The following RAB27B variants were observed in gnomAD, a reference collection of about 807,000 sequenced individuals.
The protein encoded by RAB27B is ras-related protein Rab-27B.
In RAB27B, 15 loss-of-function variants were observed where a neutral mutation model predicts 24.6. The observed-to-expected ratio is 0.61, with a 90% CI of 0.41 to 0.94. The LOEUF (loss-of-function observed/expected upper bound fraction) is 0.94. RAB27B is among the 40% of genes least tolerant of loss of function. The probability of loss-of-function intolerance (pLI) is 0.00; values close to 1 mark genes in which losing one functional copy is unlikely to be tolerated. For synonymous variants in RAB27B, 105 were observed against 92.5 expected (o/e 1.14, Z -0.78); for missense variants, 261 against 266.8 (o/e 0.98, Z 0.15).
intron 4 of RAB27B, among the ~76,000 whole-genome samples, chr18:54,887,129 GA>G (rs1913177459): frequency 6.8e-6 from 1 of 145,998 alleles, no homozygotes; most frequent in African/African-American, 2.5e-5. Context: ...GGAGAAAAGA[GA>G]AAAACAAATT....
At chr18:54,786,767 C>G (rs1909100047) in intron 2 of RAB27B, among the ~76,000 whole-genome samples, 1 of 152,122 alleles carries the variant, frequency 6.6e-6, no homozygotes, top group Non-Finnish European at 1.5e-5. Flanking sequence ...ACATATTTAT[C>G]TGGAAATGGA....
At chr18:54,733,650 G>GTCCC (rs1909794792) in intron 2 of RAB27B, among the ~76,000 whole-genome samples, 1 of 92,242 alleles carries the variant, frequency 1.1e-5, no homozygotes. Context: ...CTGTTCTAGA[G>GTCCC]CCCCCCCCCC....
chr18:54,767,736 A>T (rs778938969), intron 2 of RAB27B, among the ~76,000 whole-genome samples: 1 of 152,180 alleles, frequency 6.6e-6, no homozygotes, highest in Non-Finnish European at 1.5e-5. Flanking sequence ...TGTTTCCCAC[A>T]ATTCACACAA....
chr18:54,773,626 C>T (rs1908622736), intron 2 of RAB27B, among the ~76,000 whole-genome samples: 1 of 151,888 alleles, frequency 6.6e-6, no homozygotes, highest in South Asian at 2.1e-4. Context: ...TGAGGATTCA[C>T]ATTCTAGCAG....
rs1164220071 is a variant in RAB27B, at chr18:54,744,909, CT to C, written c.-20+26769del. ...TCTGCATCCTAAATCTGAAGAGGAC[CT>C]GGGAGAAGCTTCTGCTGGTGGCTCA... is the stretch of plus-strand genomic sequence containing the variant. On this transcript the variant is annotated intron_variant, in intron 2 of 4. Transcript: ENST00000586570. The C allele has an allele frequency of 1.9e-5, 4 of 213,208 alleles. No homozygotes were observed. In the East Asian group the frequency reaches 4.5e-4, roughly 24 times the overall value. 13.2% of individuals were successfully genotyped at this position (213,208 alleles called of 1,614,324 possible).
chr18:54,874,555 C>T lies in RAB27B; in HGVS notation c.-19-3012C>T, dbSNP rs542086982. ...AGACTGTCACGCATTCATACACACA[C>T]ATTTGCTAAAAAAAAAAAAAAAAAG... On this transcript the variant is annotated intron_variant, in intron 1 of 5. Transcript: ENST00000262094. Among the ~76,000 whole-genome samples, 10 of 96,960 alleles carry T rather than the reference C, an allele frequency of 1.0e-4. No homozygotes were observed. The East Asian group carries it at 3.0e-3, about 29-fold the overall frequency. The allele number at this position is 96,960 out of a possible 152,430, so 63.6% of individuals were successfully genotyped here. A position where few individuals can be genotyped will look rare whatever the true frequency, so the allele number is the denominator to read the frequency against.
At chr18:54,850,583 T>C (rs553190879) in intron 1 of RAB27B, among the ~76,000 whole-genome samples, 1 of 150,712 alleles carries the variant, frequency 6.6e-6, no homozygotes, top group Admixed American at 6.6e-5. Context: ...GTCAGGCTGG[T>C]CTCAAACTCC....
intron 2 of RAB27B, among the ~76,000 whole-genome samples, chr18:54,734,442 G>A (rs1217532705): frequency 2.0e-5 from 3 of 152,152 alleles, no homozygotes; most frequent in African/African-American, 7.2e-5. Flanking sequence ...CAAGCACCAA[G>A]AAGCAGAGAT....
chr18:54,721,334 C>T (rs1463777376), intron 2 of RAB27B, among the ~76,000 whole-genome samples: 1 of 152,160 alleles, frequency 6.6e-6, no homozygotes. Flanking sequence ...TATACCTTCA[C>T]TCCTTTTCCC....
At chr18:54,844,306 C>T (rs1911232039) in intron 1 of RAB27B, among the ~76,000 whole-genome samples, 1 of 151,980 alleles carries the variant, frequency 6.6e-6, no homozygotes, top group African/African-American at 2.4e-5. Context: ...AATCCCAGTA[C>T]AGACAGAAAA....
intron 1 of RAB27B, among the ~76,000 whole-genome samples, chr18:54,842,369 A>G (rs773200924): frequency 6.6e-6 from 1 of 152,170 alleles, no homozygotes; most frequent in Non-Finnish European, 1.5e-5. Flanking sequence ...ACTGCACCAA[A>G]ATAGTTTCCA....
chr18:54,791,748 C>G (rs1434861616), intron 2 of RAB27B, among the ~76,000 whole-genome samples: 1 of 152,188 alleles, frequency 6.6e-6, no homozygotes, highest in Non-Finnish European at 1.5e-5. Context: ...GGCCAGACGT[C>G]AAGAGGAGCA....
At chr18:54,889,130 C>A in intron 5 of RAB27B, 94 bp from the exon 6 acceptor site, 1 of 1,198,010 alleles carries the variant, frequency 8.3e-7, no homozygotes, top group South Asian at 2.0e-5. Flanking sequence ...ATCTCTCAGC[C>A]AGCCGTTTTT....
chr18:54,773,371 A>C (rs1908613546), intron 2 of RAB27B, among the ~76,000 whole-genome samples: 1 of 152,208 alleles, frequency 6.6e-6, no homozygotes, highest in African/African-American at 2.4e-5. Context: ...TGGCTGCACC[A>C]AGGGTAGAGA....
intron 2 of RAB27B, among the ~76,000 whole-genome samples, chr18:54,821,881 G>A (rs1439985675): frequency 2.0e-5 from 3 of 152,218 alleles, no homozygotes; most frequent in Non-Finnish European, 4.4e-5. Context: ...AGTCTCCCGA[G>A]TAGCTGGGAT....
At chr18:54,741,070 C>G (rs1039751277) in intron 2 of RAB27B, among the ~76,000 whole-genome samples, 2 of 152,112 alleles carry the variant, frequency 1.3e-5, no homozygotes, top group South Asian at 2.1e-4. Flanking sequence ...GTGTCCCTAG[C>G]ATACAAAACC....
intron 1 of RAB27B, among the ~76,000 whole-genome samples, chr18:54,839,775 A>C (rs943838925): frequency 4.6e-5 from 7 of 152,210 alleles, no homozygotes; most frequent in Non-Finnish European, 1.0e-4. Context: ...TCACTTCATT[A>C]CTCTGACTTT....
chr18:54,888,010 A>G lies in RAB27B; in HGVS notation c.359A>G (p.Asn120Ser), dbSNP rs1913213483. ...VRNWMSQLQANAYCENPDIVL... is the reference protein window; with the variant it reads ...VRNWMSQLQASAYCENPDIVL... Reference sequence around the variant, plus strand: ...TCTTTTCAAGGCCAACTGCAAGCAAATGCTTATTGTGAAAATCCAGATATA... The same window carrying G: ...TCTTTTCAAGGCCAACTGCAAGCAAGTGCTTATTGTGAAAATCCAGATATA... Residue 120 changes from asparagine (N) to serine (S), a missense_variant, in exon 5 of 6, where the codon AAT becomes AGT. Transcript: ENST00000262094. 1.2e-6 allele frequency: 2 copies of G among 1,611,698 alleles called. No individual in the cohort carries two copies. The highest frequency in any genetic ancestry group is 2.7e-5 in the African/African-American group (2 of 74,838).
At chr18:54,782,347 A>G (rs1410023164) in intron 2 of RAB27B, among the ~76,000 whole-genome samples, 1 of 152,224 alleles carries the variant, frequency 6.6e-6, no homozygotes, top group African/African-American at 2.4e-5. Flanking sequence ...GGAAAATTTA[A>G]TCGTAAAGCC....
Sources: allele counts gnomAD v4.1 joint callset (sites outside exome capture counted in the v4.1 genomes callset), GRCh38; gene constraint gnomAD v4.1.1; transcripts MANE v1.5; gene names NCBI Gene and HGNC (gene_info 2026-07-23, HGNC 2026-07-21).